IQUB: variants seen among roughly 807,000 people sequenced by gnomAD.
The protein encoded by IQUB is IQ motif and ubiquitin-like domain-containing protein.
Under a neutral mutation model 86.4 loss-of-function variants are expected in IQUB, and 86 were observed. The ratio of observed to expected loss-of-function variants is 1.00; its 90% CI spans 0.84 to 1.19. IQUB has a LOEUF of 1.19. Ranked by LOEUF, IQUB falls within the 50% of genes most tolerant of loss-of-function variation. The pLI is 0.00. For missense variants in IQUB, 946 were observed against 916.9 expected, an observed-to-expected ratio of 1.03 and a Z score of -0.41; for synonymous variants, 289 against 304.5, an observed-to-expected ratio of 0.95 and a Z score of 0.53.
At chr7:123,527,158 A>C (rs1341722450) in intron 1 of IQUB, among the ~76,000 whole-genome samples, 2 of 152,028 alleles carry the variant, frequency 1.3e-5, no homozygotes, top group African/African-American at 4.8e-5. Flanking sequence ...CTTGGTTTTC[A>C]GCTCCATCAG....
chr7:123,502,510 A>C, intron 6 of IQUB, 87 bp downstream of exon 6: 1 of 1,173,114 alleles, frequency 8.5e-7, no homozygotes, highest in Non-Finnish European at 1.2e-6. Context: ...TTCTCAAGCA[A>C]ATGTGGCTTG....
At chr7:123,454,451 A>C (rs1793595469) in intron 12 of IQUB, among the ~76,000 whole-genome samples, 2 of 152,152 alleles carry the variant, frequency 1.3e-5, no homozygotes, top group Non-Finnish European at 2.9e-5. Flanking sequence ...TTCCTGCTAC[A>C]GTAAAAGTAT....
chr7:123,487,682 G>A (rs545731438), intron 7 of IQUB, among the ~76,000 whole-genome samples: 1 of 152,202 alleles, frequency 6.6e-6, no homozygotes, highest in Non-Finnish European at 1.5e-5. Flanking sequence ...GATAGAGCAA[G>A]TAAAGTAAAT....
chr7:123,478,887 A>G (rs1794870235), intron 8 of IQUB, among the ~76,000 whole-genome samples: 1 of 152,092 alleles, frequency 6.6e-6, no homozygotes, highest in African/African-American at 2.4e-5. Context: ...TGGGAAATCC[A>G]AAGAGCAGTG....
chr7:123,464,097 CTTT>C (rs891574552), intron 10 of IQUB, among the ~76,000 whole-genome samples: 28 of 151,630 alleles, frequency 1.8e-4, no homozygotes, highest in African/African-American at 6.3e-4. Context: ...GTTTAGTCAG[CTTT>C]TTAAGTAAAT....
chr7:123,476,939 G>A (rs541091483), intron 8 of IQUB, among the ~76,000 whole-genome samples: 1 of 152,160 alleles, frequency 6.6e-6, no homozygotes, highest in African/African-American at 2.4e-5. Context: ...AATAAAAGAG[G>A]ACACAAACAA....
intron 12 of IQUB, among the ~76,000 whole-genome samples, chr7:123,454,250 T>G (rs536387165): frequency 1.3e-5 from 2 of 152,210 alleles, no homozygotes; most frequent in African/African-American, 4.8e-5. Context: ...AACTTACACA[T>G]GTACAGAACT....
chr7:123,516,184 A>AT (rs1470312812), intron 1 of IQUB, among the ~76,000 whole-genome samples: 1 of 152,206 alleles, frequency 6.6e-6, no homozygotes, highest in Non-Finnish European at 1.5e-5. Context: ...AACAATAACA[A>AT]TTTTTGAAAA....
At chr7:123,490,218 TAAC>T (rs1795395457) in intron 7 of IQUB, among the ~76,000 whole-genome samples, 1 of 151,800 alleles carries the variant, frequency 6.6e-6, no homozygotes, top group Admixed American at 6.6e-5. Context: ...TATACTAAAC[TAAC>T]AGTGATCAAA....
At chr7:123,509,657 T>G (rs1047262588) in intron 3 of IQUB, among the ~76,000 whole-genome samples, 2 of 152,224 alleles carry the variant, frequency 1.3e-5, no homozygotes, top group African/African-American at 4.8e-5. Context: ...TCTTCTTCCT[T>G]ACTAATCTGT....
intron 8 of IQUB, among the ~76,000 whole-genome samples, chr7:123,472,203 A>T (rs1280880594): frequency 1.3e-5 from 2 of 151,660 alleles, no homozygotes; most frequent in Middle Eastern, 6.8e-3. Flanking sequence ...GCACCACTGC[A>T]CTCCAGCCTG....
In IQUB at chr7:123,461,493, C is replaced by A. The variant is rs182978338; in HGVS notation, c.1871G>T (p.Arg624Leu). Residue 624 changes from arginine (R) to leucine (L), a missense_variant, in exon 11 of 13, where the codon CGG becomes CTG. Arg to Leu is a moderately radical substitution (Grantham distance 102, BLOSUM62 -2). Coordinates refer to ENST00000324698, the MANE Select transcript of IQUB (RefSeq NM_178827.5). ...CTGAAGGTTAATGCAGTTACGACAC[C>A]GGTATATGCGGCGTGAGGTGGATGA... ...SVSSTSRRIY[R>L]CRNCINLQNE... 1 of 1,612,232 alleles carries A rather than the reference C, an allele frequency of 6.2e-7. No homozygotes were observed. The highest frequency in any genetic ancestry group is 2.2e-5 in the East Asian group (1 of 44,828).
chr7:123,500,151 C>A (rs979715888), intron 6 of IQUB, among the ~76,000 whole-genome samples: 5 of 152,208 alleles, frequency 3.3e-5, no homozygotes, highest in Admixed American at 3.3e-4. Context: ...CACCAGGCAA[C>A]CCTCAGGTCT....
intron 1 of IQUB, among the ~76,000 whole-genome samples, chr7:123,515,698 T>C (rs1796607529): frequency 6.6e-6 from 1 of 152,232 alleles, no homozygotes; most frequent in African/African-American, 2.4e-5. Flanking sequence ...CACAATGAGA[T>C]AGCACTACAT....
chr7:123,476,875 T>C (rs573870608), intron 8 of IQUB, among the ~76,000 whole-genome samples: 1 of 152,106 alleles, frequency 6.6e-6, no homozygotes, highest in Non-Finnish European at 1.5e-5. Flanking sequence ...GAATCCAACT[T>C]ACAAGGGATG....
intron 8 of IQUB, among the ~76,000 whole-genome samples, chr7:123,472,275 TAAAG>T (rs1365967167): frequency 1.1e-4 from 16 of 150,756 alleles, no homozygotes; most frequent in African/African-American, 3.4e-4. Flanking sequence ...AGGAAAGAAA[TAAAG>T]AAAGAAAGAG....
intron 1 of IQUB, among the ~76,000 whole-genome samples, chr7:123,524,509 GT>G (rs2117345244): frequency 6.8e-6 from 1 of 148,094 alleles, no homozygotes; most frequent in South Asian, 2.1e-4. Flanking sequence ...TCTGTCTGTT[GT>G]TGGTGTATAA....
At chr7:123,534,371 G>A (rs1477311192) in intron 1 of IQUB, 121 bp downstream of exon 1, 4 of 152,364 alleles carry the variant, frequency 2.6e-5, no homozygotes, top group Admixed American at 6.5e-5. Context: ...GGCAGCCCCA[G>A]GCGCTCAGGT....
At position 123,479,896 on chromosome 7, in the gene IQUB, G is replaced by A. The variant is rs143618132; in HGVS notation, c.1309C>T (p.Leu437Phe). ...GAERKAALCELLEKETQIIAS... is the reference protein window; with the variant it reads ...GAERKAALCEFLEKETQIIAS... Reference sequence around the variant, plus strand: ...ATTATCTGAGTCTCTTTTTCCAGAAGTTCACACAGAGCAGCTTTCCTTTCA... The same window carrying A: ...ATTATCTGAGTCTCTTTTTCCAGAAATTCACACAGAGCAGCTTTCCTTTCA... The change falls in exon 8 of 13, where the codon CTT (leucine) becomes TTT (phenylalanine). Residue 437 changes from leucine to phenylalanine, a missense_variant. Transcript: ENST00000324698. The A allele has an allele frequency of 2.2e-4, 350 of 1,612,910 alleles. 1 individual carries two copies. The highest frequency in any genetic ancestry group is 2.7e-4 in the Non-Finnish European group (317 of 1,179,284).
Sources: gnomAD v4.1 joint callset for allele counts (sites outside exome capture counted in the v4.1 genomes callset) on GRCh38, gnomAD v4.1.1 for gene constraint, MANE v1.5 for transcripts, NCBI Gene and HGNC (gene_info 2026-07-23, HGNC 2026-07-21) for gene names.